Variants in AGMO observed in about 807,000 individuals in gnomAD.
AGMO encodes the protein alkylglycerol monooxygenase.
In AGMO, 75 loss-of-function variants were observed where a neutral mutation model predicts 60.2. The observed-to-expected ratio is 1.25, with a 90% CI of 1.03 to 1.51. AGMO has a LOEUF of 1.51. Among genes scored for constraint, AGMO ranks in the 40% most tolerant of loss-of-function variants. The probability of loss-of-function intolerance (pLI) is 0.00; values close to 1 mark genes in which losing one functional copy is unlikely to be tolerated. For synonymous variants in AGMO, 261 were observed against 177.1 expected (o/e 1.47, Z -3.76); for missense variants, 763 against 525.5 (o/e 1.45, Z -4.42).
Position 15,201,301 on chromosome 7 carries a change from G to C in AGMO, c.1322C>G (p.Ser441Cys). The part of the protein sequence containing the change: ...WGVRSMKQLT[S>C]HPWK The stretch of plus-strand genomic sequence containing the variant: ...AAATTCAGGTTATTTCCAAGGGTGA[G>C]AGGTGAGTTGTTTCATGCTTCTAAC... Residue 441 changes from serine (S) to cysteine (C), a missense_variant, in exon 13 of 13, where the codon TCT (serine) becomes TGT (cysteine). Physicochemically the swap from Ser to Cys is moderately radical, Grantham distance 112. Coordinates refer to ENST00000342526, the MANE Select transcript of AGMO (RefSeq NM_001004320.2). 1 of 1,612,268 alleles carries C rather than the reference G, an allele frequency of 6.2e-7. No individual in the cohort carries two copies. The highest frequency in any genetic ancestry group is 1.3e-5 in the African/African-American group (1 of 74,996).
intron 12 of AGMO, among the ~76,000 whole-genome samples, chr7:15,207,591 A>C (rs138872050): frequency 6.6e-6 from 1 of 152,188 alleles, no homozygotes; most frequent in Non-Finnish European, 1.5e-5. Context: ...TTAGATTGTT[A>C]TATTTTTAGT....
chr7:15,432,335 T>TATATATACACATAC (rs1554271554), intron 3 of AGMO, among the ~76,000 whole-genome samples: 8 of 136,642 alleles, frequency 5.9e-5, no homozygotes, highest in African/African-American at 1.1e-4. Flanking sequence ...TATGTATATA[T>TATATATACACATAC]ATATATATAT....
downstream of AGMO, among the ~76,000 whole-genome samples, chr7:15,199,837 A>G (rs764128533): frequency 2.6e-5 from 4 of 152,174 alleles, no homozygotes; most frequent in Admixed American, 1.3e-4. Context: ...CCCACTTCTG[A>G]TACTTGAGAT....
chr7:15,354,776 C>A (rs1366018089), intron 12 of AGMO, among the ~76,000 whole-genome samples: 1 of 150,614 alleles, frequency 6.6e-6, no homozygotes, highest in Non-Finnish European at 1.5e-5. Flanking sequence ...TGCTAATAAC[C>A]CCAGTGTTTA....
chr7:15,446,834 A>C (rs1781710967), intron 3 of AGMO, among the ~76,000 whole-genome samples: 1 of 152,168 alleles, frequency 6.6e-6, no homozygotes. Context: ...TTAAGGAAAG[A>C]TTGATGTCTG....
chr7:15,549,970 C>A (rs1784900947), intron 2 of AGMO, among the ~76,000 whole-genome samples: 1 of 150,472 alleles, frequency 6.6e-6, no homozygotes, highest in South Asian at 2.1e-4. Flanking sequence ...AACTATCTCT[C>A]AGACCACAGT....
At chr7:15,223,755 C>T (rs111677099) in intron 12 of AGMO, among the ~76,000 whole-genome samples, 70 of 151,776 alleles carry the variant, frequency 4.6e-4, no homozygotes, top group African/African-American at 1.6e-3. Flanking sequence ...AATACCTGCC[C>T]CATCCATTTA....
In AGMO at chr7:15,474,303, C is replaced by T. The variant is rs905631842; in HGVS notation, c.410-43195G>A. 6.6e-5 allele frequency among the ~76,000 whole-genome samples: 10 copies of T among 152,252 alleles called. No homozygotes were observed. The South Asian group carries it at 1.7e-3, about 25-fold the overall frequency. ...TAATGTTACCTGACTTCAAACTATA[C>T]TACAAGCCTACAGTAACCAAAACAG... On this transcript the variant is annotated intron_variant, in intron 3 of 12. Transcript: ENST00000342526.
chr7:15,453,552 G>C lies in AGMO; in HGVS notation c.410-22444C>G, dbSNP rs139234774. Among the ~76,000 whole-genome samples, 17 of 152,354 alleles carry C rather than the reference G, an allele frequency of 1.1e-4. No homozygotes were observed. In the East Asian group the frequency reaches 1.7e-3, roughly 16 times the overall value. On this transcript the variant is annotated intron_variant, in intron 3 of 12. Coordinates refer to ENST00000342526, the MANE Select transcript of AGMO (RefSeq NM_001004320.2). ...AGCAATTCATTCTAACACAGAGCTA[G>C]AGATGGTTTCACAGAGCAGATAAAT...
chr7:15,377,249 G>T (rs1783492433), intron 10 of AGMO, among the ~76,000 whole-genome samples: 1 of 151,982 alleles, frequency 6.6e-6, no homozygotes, highest in African/African-American at 2.4e-5. Flanking sequence ...AACACATGTG[G>T]GAAACAAGCA....
At chr7:15,359,179 C>T (rs1376242234) in intron 12 of AGMO, among the ~76,000 whole-genome samples, 1 of 151,468 alleles carries the variant, frequency 6.6e-6, no homozygotes, top group Non-Finnish European at 1.5e-5. Context: ...GTCCCAGCTA[C>T]TCGGGAGGCT....
rs775057626 is a variant in AGMO at position 15,342,172 on chromosome 7, TAAAAAA to T, written c.1263+23336_1263+23341del. ...AGCTGAGAGTAGATACCCACAGAGT[TAAAAAA>T]AAAAAAAAAAAAAAAAAAGGACTAA... On this transcript the variant is annotated intron_variant, in intron 12 of 12. Transcript: ENST00000342526. Among the ~76,000 whole-genome samples, 209 of 54,302 alleles carry T rather than the reference TAAAAAA, an allele frequency of 3.8e-3. 4 individuals carry two copies. Among genetic ancestry groups the T allele is most frequent in the East Asian group, 8.2e-3 (22 of 2,688 alleles). The allele number at this position is 54,302 out of a possible 152,430, so 35.6% of individuals were successfully genotyped here.
chr7:15,470,194 A>G (rs1782413071), intron 3 of AGMO, among the ~76,000 whole-genome samples: 1 of 152,182 alleles, frequency 6.6e-6, no homozygotes, highest in South Asian at 2.1e-4. Context: ...AAGAGATAAA[A>G]TAATATCTGG....
At chr7:15,513,134 G>T (rs1001008633) in intron 3 of AGMO, among the ~76,000 whole-genome samples, 1 of 151,998 alleles carries the variant, frequency 6.6e-6, no homozygotes, top group African/African-American at 2.4e-5. Context: ...TTTTGTTTTT[G>T]CTGATTGTCA....
the AGMO span, among the ~76,000 whole-genome samples, chr7:15,118,338 T>A: frequency 1.1e-4 from 16 of 152,128 alleles, no homozygotes; most frequent in African/African-American, 3.9e-4. Flanking sequence ...TGCAGAAGGA[T>A]CTTTTAGGGG....
intron 12 of AGMO, among the ~76,000 whole-genome samples, chr7:15,270,276 GTTT>G: frequency 6.6e-6 from 1 of 151,972 alleles, no homozygotes; most frequent in South Asian, 2.1e-4. Flanking sequence ...AACATCTGTT[GTTT>G]TTTGACTTTG....
intron 3 of AGMO, among the ~76,000 whole-genome samples, chr7:15,531,613 G>GATA (rs1784365040): frequency 1.4e-5 from 1 of 71,308 alleles, no homozygotes; most frequent in Non-Finnish European, 2.5e-5. Context: ...TATATTCTAT[G>GATA]TATATTCTAT....
intron 8 of AGMO, among the ~76,000 whole-genome samples, chr7:15,388,334 T>A (rs1442082469): frequency 6.6e-6 from 1 of 151,962 alleles, no homozygotes; most frequent in Non-Finnish European, 1.5e-5. Flanking sequence ...TTGGAAAAAT[T>A]AAAAAAATTG....
At chr7:15,194,562 C>T in the AGMO span, among the ~76,000 whole-genome samples, 1 of 152,074 alleles carries the variant, frequency 6.6e-6, no homozygotes, top group African/African-American at 2.4e-5. Flanking sequence ...CACACTTATT[C>T]CTTCTGGTTT....
Sources: allele counts gnomAD v4.1 joint callset (sites outside exome capture counted in the v4.1 genomes callset), GRCh38; gene constraint gnomAD v4.1.1; transcripts MANE v1.5; gene names NCBI Gene and HGNC (gene_info 2026-07-23, HGNC 2026-07-21).